Variants in GPM6A observed in about 807,000 individuals in gnomAD.
The protein encoded by GPM6A is glycoprotein M6A.
Under a neutral mutation model 32.1 loss-of-function variants are expected in GPM6A, and 7 were observed. The observed-to-expected ratio is 0.22, with a 90% CI of 0.12 to 0.41. The LOEUF is 0.41. Ranked by LOEUF, GPM6A falls within the 10% of genes least tolerant of loss-of-function variation. The pLI is 1.00. For missense variants in GPM6A, 235 were observed against 347.2 expected (o/e 0.68, Z 2.57); for synonymous variants, 130 against 123.4 (o/e 1.05, Z -0.35).
intron 1 of GPM6A, among the ~76,000 whole-genome samples, chr4:175,999,913 T>C (rs1204542447): frequency 6.6e-6 from 1 of 152,166 alleles, no homozygotes; most frequent in African/African-American, 2.4e-5. Context: ...AGTTTTATTT[T>C]TCATAAGTAA....
At chr4:175,729,387 G>C (rs1455507488) in intron 1 of GPM6A, among the ~76,000 whole-genome samples, 1 of 152,060 alleles carries the variant, frequency 6.6e-6, no homozygotes, top group East Asian at 1.9e-4. Context: ...AATGCACCTT[G>C]ACCCATTCAG....
chr4:175,892,079 C>T (rs1009755690), intron 1 of GPM6A, among the ~76,000 whole-genome samples: 14 of 152,200 alleles, frequency 9.2e-5, no homozygotes, highest in Non-Finnish European at 5.9e-5. Flanking sequence ...AAACTACTAT[C>T]AAGCATGTAA....
chr4:175,948,446 C>T (rs1040571622), intron 1 of GPM6A, among the ~76,000 whole-genome samples: 4 of 152,014 alleles, frequency 2.6e-5, no homozygotes, highest in African/African-American at 9.7e-5. Context: ...TGGTTTTGGA[C>T]CCCCAGCATC....
chr4:175,856,773 C>A (rs548530881), intron 1 of GPM6A, among the ~76,000 whole-genome samples: 1 of 152,254 alleles, frequency 6.6e-6, no homozygotes, highest in Admixed American at 6.5e-5. Context: ...CTCCTCTCAA[C>A]ATTCAGATGC....
chr4:175,745,142 A>G (rs1732050593), intron 1 of GPM6A, among the ~76,000 whole-genome samples: 1 of 152,140 alleles, frequency 6.6e-6, no homozygotes, highest in African/African-American at 2.4e-5. Flanking sequence ...AAAAAACATG[A>G]AATACCAGAT....
At chr4:175,754,203 T>C (rs1560914646) in intron 1 of GPM6A, among the ~76,000 whole-genome samples, 1 of 152,144 alleles carries the variant, frequency 6.6e-6, no homozygotes, top group African/African-American at 2.4e-5. Context: ...ATAATGACTA[T>C]TGGCTAGATG....
At chr4:175,982,156 GTA>G (rs1182947801) in intron 1 of GPM6A, among the ~76,000 whole-genome samples, 8 of 151,946 alleles carry the variant, frequency 5.3e-5, no homozygotes, top group Admixed American at 4.6e-4. Flanking sequence ...CTCTTATCAG[GTA>G]TATGTTTCGC....
At chr4:175,790,631 G>A (rs1579504014) in intron 1 of GPM6A, among the ~76,000 whole-genome samples, 1 of 152,152 alleles carries the variant, frequency 6.6e-6, no homozygotes, top group East Asian at 1.9e-4. Context: ...CAAAATGGAA[G>A]TCACTCTATC....
At chr4:175,883,709 G>A (rs1737354676) in intron 1 of GPM6A, among the ~76,000 whole-genome samples, 1 of 152,022 alleles carries the variant, frequency 6.6e-6, no homozygotes, top group Non-Finnish European at 1.5e-5. Context: ...AATAGATTTG[G>A]TTTTTAAGCA....
At chr4:175,828,651 G>GAAATTCGA (rs1735510256) in intron 1 of GPM6A, among the ~76,000 whole-genome samples, 1 of 152,038 alleles carries the variant, frequency 6.6e-6, no homozygotes, top group African/African-American at 2.4e-5. Context: ...GGCCCTAACA[G>GAAATTCGA]ATTTCTAAAT....
chr4:175,685,160 A>G (rs1743910205), intron 2 of GPM6A, among the ~76,000 whole-genome samples: 6 of 152,130 alleles, frequency 3.9e-5, no homozygotes, highest in African/African-American at 1.4e-4. Flanking sequence ...AAGTGCTGGG[A>G]TTACAGACGT....
chr4:175,959,462 C>T (rs1740097490), intron 1 of GPM6A, among the ~76,000 whole-genome samples: 1 of 151,946 alleles, frequency 6.6e-6, no homozygotes, highest in African/African-American at 2.4e-5. Context: ...CCCACATACG[C>T]ACAGTTCAGT....
At position 175,634,852 on chromosome 4, in the gene GPM6A, C is replaced by T; in HGVS notation, c.*53G>A. On this transcript the variant is annotated 3_prime_UTR_variant, in exon 7 of 7. Transcript: ENST00000393658. ...TTTTAAAGGTTGGATGGTTGGATGG[C>T]CCTTAGTTAAACACCAATGCATTCA... 1 of 1,489,346 alleles carries T rather than the reference C, an allele frequency of 6.7e-7. No homozygotes were observed. The highest frequency in any genetic ancestry group is 1.4e-5 in the African/African-American group (1 of 72,146). 92.3% of individuals were successfully genotyped at this position (1,489,346 alleles called of 1,614,324 possible). A position where few individuals can be genotyped will look rare whatever the true frequency, so the allele number is the denominator to read the frequency against.
At position 175,634,375 on chromosome 4, in the gene GPM6A, A is replaced by C. The variant is rs1740457633; in HGVS notation, c.*530T>G. 1 of 152,590 alleles carries C rather than the reference A, an allele frequency of 6.6e-6. No homozygotes were observed. The highest frequency in any genetic ancestry group is 2.1e-4 in the South Asian group (1 of 4,834). The allele number at this position is 152,590 out of a possible 1,614,324, so 9.5% of individuals were successfully genotyped here. On this transcript the variant is annotated 3_prime_UTR_variant, in exon 7 of 7. Coordinates refer to ENST00000393658, the MANE Select transcript of GPM6A (RefSeq NM_201591.3). The stretch of plus-strand genomic sequence containing the variant: ...GATGAAAACATGAACCAGGGCCTAC[A>C]GTAATATGGCCACTGATCTTCAGAC...
At chr4:175,950,473 A>G (rs180951217) in intron 1 of GPM6A, among the ~76,000 whole-genome samples, 1 of 152,320 alleles carries the variant, frequency 6.6e-6, no homozygotes, top group Non-Finnish European at 1.5e-5. Context: ...CCAACTTTCA[A>G]CAAAACTTAA....
chr4:175,673,246 T>C (rs1210187673), intron 3 of GPM6A, among the ~76,000 whole-genome samples: 2 of 152,110 alleles, frequency 1.3e-5, no homozygotes, highest in African/African-American at 2.4e-5. Flanking sequence ...CTGAAATTAA[T>C]AGAATTCTTA....
chr4:175,926,816 A>G (rs939642873), intron 1 of GPM6A, among the ~76,000 whole-genome samples: 20 of 152,174 alleles, frequency 1.3e-4, no homozygotes, highest in African/African-American at 4.6e-4. Flanking sequence ...AAGAGTACTA[A>G]TTTTGATTTT....
intron 1 of GPM6A, among the ~76,000 whole-genome samples, chr4:175,741,305 A>G (rs1212387127): frequency 6.6e-6 from 1 of 152,040 alleles, no homozygotes; most frequent in African/African-American, 2.4e-5. Flanking sequence ...TTTTAAAACC[A>G]CTGTCTATTC....
intron 1 of GPM6A, among the ~76,000 whole-genome samples, chr4:175,879,536 A>C (rs1475318332): frequency 6.6e-6 from 1 of 152,158 alleles, no homozygotes; most frequent in African/African-American, 2.4e-5. Context: ...AAAGTATCAG[A>C]TCTCATGAGA....
Sources: allele counts gnomAD v4.1 joint callset (sites outside exome capture counted in the v4.1 genomes callset), GRCh38; gene constraint gnomAD v4.1.1; transcripts MANE v1.5; gene names NCBI Gene and HGNC (gene_info 2026-07-23, HGNC 2026-07-21).